Variants in SDK2 observed in about 807,000 individuals in gnomAD.
The protein encoded by SDK2 is protein sidekick-2.
A neutral mutation model predicts 253.9 loss-of-function variants in SDK2; 105 were observed. The ratio of observed to expected loss-of-function variants is 0.41; its 90% CI spans 0.35 to 0.49. The LOEUF is 0.49. Among genes scored for constraint, SDK2 ranks in the 20% least tolerant of loss-of-function variants. The pLI is 0.06. For missense variants in SDK2, 2,608 were observed against 3,003.0 expected (o/e 0.87, Z 3.07); for synonymous variants, 1,249 against 1,234.9 (o/e 1.01, Z -0.24).
intron 1 of SDK2, among the ~76,000 whole-genome samples, chr17:73,583,056 T>A (rs1313320236): frequency 1.3e-5 from 2 of 152,166 alleles, no homozygotes; most frequent in African/African-American, 4.8e-5. Flanking sequence ...CTCCTATGCA[T>A]CCTTTAGGGG....
At chr17:73,422,246 G>C in intron 15 of SDK2, 41 bp downstream of exon 15, 1 of 1,604,652 alleles carries the variant, frequency 6.2e-7, no homozygotes, top group Non-Finnish European at 8.5e-7. Context: ...CCTGCCTGTT[G>C]GAGTCCTGGC....
chr17:73,462,767 T>G (rs1248520378), intron 3 of SDK2, among the ~76,000 whole-genome samples: 1 of 152,140 alleles, frequency 6.6e-6, no homozygotes, highest in Non-Finnish European at 1.5e-5. Flanking sequence ...GTTCTGCAGT[T>G]GCCCCTTTCC....
chr17:73,387,757 C>T (rs1334000755), intron 30 of SDK2, 79 bp downstream of exon 30: 1 of 1,336,042 alleles, frequency 7.5e-7, no homozygotes, highest in Non-Finnish European at 1.0e-6. Context: ...TTCAGAAGGC[C>T]CCCTACCCAG....
At chr17:73,557,045 T>A (rs1240856558) in intron 1 of SDK2, among the ~76,000 whole-genome samples, 1 of 152,198 alleles carries the variant, frequency 6.6e-6, no homozygotes, top group African/African-American at 2.4e-5. Flanking sequence ...GACACTGGGG[T>A]TGGCCTTATG....
rs966541058 is a variant in SDK2 at position 73,455,909 on chromosome 17, C to T, written c.476G>A (p.Arg159His). ...RDGRKIPPSS[R>H]IAITLENTLV... ...CCCCTCAGAGCGATGCACTCACATG[C>T]GGCTGCTGGGCGGGATCTTGCGGCC... Residue 159 changes from arginine (R) to histidine (H), a missense_variant, in exon 4 of 45, where the codon CGC becomes CAC. Arg to His is a conservative substitution (Grantham distance 29, BLOSUM62 0). Coordinates refer to ENST00000392650, the MANE Select transcript of SDK2 (RefSeq NM_001144952.2). This position sits in a 1 kb window ranked among gnomAD's most constrained non-coding sequence, Gnocchi z 5.0. The T allele has an allele frequency of 1.3e-5, 20 of 1,541,916 alleles. No individual in the cohort carries two copies. The East Asian group carries it at 1.5e-4, about 11-fold the overall frequency.
intron 1 of SDK2, among the ~76,000 whole-genome samples, chr17:73,580,801 C>T (rs147404331): frequency 7.9e-5 from 12 of 152,252 alleles, no homozygotes; most frequent in East Asian, 1.9e-4. Context: ...GAAATATTTG[C>T]GTTATATACT....
intron 5 of SDK2, among the ~76,000 whole-genome samples, chr17:73,442,858 C>T (rs557779132): frequency 2.7e-5 from 4 of 149,068 alleles, no homozygotes; most frequent in African/African-American, 7.4e-5. Flanking sequence ...AACTCCTCTT[C>T]TAATAGAGGT....
In SDK2 at chr17:73,430,524, G is replaced by C. The variant is rs958763262; in HGVS notation, c.1570C>G (p.Arg524Gly). Reference protein sequence around the residue: ...SMVCGVTHDPRVTIRYIWEKD... With the variant: ...SMVCGVTHDPGVTIRYIWEKD... Reference sequence around the variant, plus strand: ...CAGAGCCAGTACCTGATGGTTACTCGGGGGTCGTGGGTCACTCCGCACACC... The same window carrying C: ...CAGAGCCAGTACCTGATGGTTACTCCGGGGTCGTGGGTCACTCCGCACACC... Residue 524 changes from arginine to glycine, a missense_variant, in exon 12 of 45, where the codon CGA (arginine) becomes GGA (glycine). By Grantham distance (125) the Arg-to-Gly change is moderately radical. This residue lies in a region of SDK2 where 1,505 missense variants were observed against 1,859.1 expected (regional missense o/e 0.81). Transcript: ENST00000392650. 1.2e-6 allele frequency: 2 copies of C among 1,607,464 alleles called. No individual in the cohort carries two copies. Among genetic ancestry groups the C allele is most frequent in the South Asian group, 1.1e-5 (1 of 90,050 alleles).
chr17:73,597,234 C>T (rs1005607487), intron 1 of SDK2, among the ~76,000 whole-genome samples: 1 of 152,180 alleles, frequency 6.6e-6, no homozygotes, highest in African/African-American at 2.4e-5. Flanking sequence ...GTGCTGGCTA[C>T]CCAGCACCCC....
In SDK2 at chr17:73,350,374, C is replaced by T. The variant is rs35317925; in HGVS notation, c.5901G>A (p.Gly1967=). 0.041 allele frequency: 65,593 copies of T among 1,612,944 alleles called. 1,647 individuals carry two copies. The highest frequency in any genetic ancestry group is 0.049 in the Non-Finnish European group (58,172 of 1,179,410). The part of the protein sequence containing the change: ...SKKYAKKTDS[G]NSAKSGALGH... ...CTAGGGCTCCAGACTTGGCACTGTTCCCTGAAGTCGGCGGGAGATTGACAC... is the reference window on the plus strand; with the variant it reads ...CTAGGGCTCCAGACTTGGCACTGTTTCCTGAAGTCGGCGGGAGATTGACAC... The change falls in exon 43 of 45, where the codon GGG becomes GGA. Residue 1967 remains glycine (G), a splice_region_variant and synonymous_variant. Coordinates refer to ENST00000392650, the MANE Select transcript of SDK2 (RefSeq NM_001144952.2).
In SDK2 at chr17:73,629,605, C is replaced by G. The variant is rs2046244223; in HGVS notation, c.64+14420G>C. Among the ~76,000 whole-genome samples the G allele has an allele frequency of 6.6e-6, 1 of 152,106 alleles. No individual in the cohort carries two copies. Among genetic ancestry groups the G allele is most frequent in the Admixed American group, 6.5e-5 (1 of 15,268 alleles). ...GCCCCTCCCATCCTACAAGACTCAG[C>G]TTCTATGTTACCTCCTCCTCTGGGG... On this transcript the variant is annotated intron_variant, in intron 1 of 44. Transcript: ENST00000392650. This position sits in a 1 kb window ranked among gnomAD's most constrained non-coding sequence, Gnocchi z 5.0.
intron 44 of SDK2, among the ~76,000 whole-genome samples, chr17:73,346,308 C>T (rs1049290330): frequency 6.6e-6 from 1 of 152,034 alleles, no homozygotes; most frequent in African/African-American, 2.4e-5. Flanking sequence ...AAGAGGCTGT[C>T]CATGATACTG....
In SDK2 at chr17:73,496,917, G is replaced by A. The variant is rs2063846026; in HGVS notation, c.224+10521C>T. Among the ~76,000 whole-genome samples, 1 of 152,152 alleles carries A rather than the reference G, an allele frequency of 6.6e-6. No homozygotes were observed. The highest frequency in any genetic ancestry group is 6.5e-5 in the Admixed American group (1 of 15,286). On this transcript the variant is annotated intron_variant, in intron 2 of 44. Transcript: ENST00000392650. This position sits in a 1 kb window ranked among gnomAD's most constrained non-coding sequence, Gnocchi z 4.7. ...TTATTTGTTTTTATTTATGTTTTGA[G>A]ATGGGGTCTCGCTTTGTCGCCTAGG... is the stretch of plus-strand genomic sequence containing the variant.
chr17:73,586,213 G>A (rs2045600901), intron 1 of SDK2, among the ~76,000 whole-genome samples: 1 of 152,088 alleles, frequency 6.6e-6, no homozygotes, highest in Non-Finnish European at 1.5e-5. Context: ...TCCCCACCAT[G>A]CCTCTCCTGC....
chr17:73,423,413 G>A lies in SDK2; in HGVS notation c.1870C>T (p.Arg624Cys), dbSNP rs1180565150. 3 of 1,548,122 alleles carry A rather than the reference G, an allele frequency of 1.9e-6. No individual in the cohort carries two copies. Among genetic ancestry groups the A allele is most frequent in the East Asian group, 2.4e-5 (1 of 42,120 alleles). The change falls in exon 14 of 45, where the codon CGC (arginine) becomes TGC (cysteine). Residue 624 changes from arginine to cysteine, a missense_variant. By Grantham distance (180) the Arg-to-Cys change is radical. Transcript: ENST00000392650. Reference sequence around the variant, plus strand: ...TTCTCCGACATCTCCAGAATGTAGCGGATCAGGGGGCTGTTGCCATCAAAG... The same window carrying A: ...TTCTCCGACATCTCCAGAATGTAGCAGATCAGGGGGCTGTTGCCATCAAAG... The part of the protein sequence containing the change: ...KPFDGNSPLI[R>C]YILEMSENNA...
At chr17:73,553,045 C>T (rs752441838) in intron 1 of SDK2, among the ~76,000 whole-genome samples, 2 of 152,232 alleles carry the variant, frequency 1.3e-5, no homozygotes, top group Non-Finnish European at 1.5e-5. Flanking sequence ...ACGGCTGCAG[C>T]GTCACGCTGC....
At chr17:73,530,269 C>T (rs539693281) in intron 1 of SDK2, among the ~76,000 whole-genome samples, 6 of 152,116 alleles carry the variant, frequency 3.9e-5, no homozygotes, top group Non-Finnish European at 7.4e-5. Flanking sequence ...CTGGGGAGGC[C>T]GAGGGAAACT....
chr17:73,384,121 C>T (rs1429212384), intron 32 of SDK2, 110 bp from the exon 33 acceptor site: 16 of 1,250,040 alleles, frequency 1.3e-5, no homozygotes, highest in African/African-American at 3.0e-5. Flanking sequence ...ATGTTTTAAC[C>T]AGGAAAAGAA....
chr17:73,415,505 C>T (rs577786874), intron 17 of SDK2, among the ~76,000 whole-genome samples: 11 of 152,026 alleles, frequency 7.2e-5, no homozygotes, highest in East Asian at 3.9e-4. Context: ...ACCACCACAC[C>T]AAGCTAGTTC....
Sources: gnomAD v4.1 joint callset for allele counts (sites outside exome capture counted in the v4.1 genomes callset) on GRCh38, gnomAD v4.1.1 for gene constraint, gnomAD v4.1.1 regional missense constraint, Gnocchi (gnomAD v3.1) non-coding constraint, MANE v1.5 for transcripts, NCBI Gene and HGNC (gene_info 2026-07-23, HGNC 2026-07-21) for gene names.